SCFD2: variants seen among roughly 807,000 people sequenced by gnomAD.
SCFD2 encodes the protein sec1 family domain-containing protein 2.
In SCFD2, 54 loss-of-function variants were observed where a neutral mutation model predicts 58.9. The ratio of observed to expected loss-of-function variants is 0.92; its 90% CI spans 0.74 to 1.15. The LOEUF (loss-of-function observed/expected upper bound fraction) is 1.15. SCFD2 is among the 50% of genes most tolerant of loss of function. The pLI, the probability that SCFD2 is intolerant of heterozygous loss-of-function variation, is 0.00. For synonymous variants in SCFD2, 321 were observed against 335.9 expected (o/e 0.96, Z 0.49); for missense variants, 805 against 836.6 (o/e 0.96, Z 0.47).
rs1445920350 is a variant in SCFD2, at chr4:53,189,290, C to G, written c.1312-43708G>C. On this transcript the variant is annotated intron_variant, in intron 4 of 8. Transcript: ENST00000401642. ...ATTCCTGATAAACTATTTTTAAAAG[C>G]TGGATCCAAACATGCCTGAAGCTAT... Among the ~76,000 whole-genome samples, 6 of 152,116 alleles carry G rather than the reference C, an allele frequency of 3.9e-5. No individual in the cohort carries two copies. The East Asian group carries it at 1.2e-3, about 29-fold the overall frequency.
At chr4:53,061,449 A>T (rs753195600) in intron 5 of SCFD2, among the ~76,000 whole-genome samples, 3 of 152,164 alleles carry the variant, frequency 2.0e-5, no homozygotes, top group African/African-American at 4.8e-5. Flanking sequence ...GCTCTAAATC[A>T]TATGGACCAC....
intron 5 of SCFD2, among the ~76,000 whole-genome samples, chr4:53,112,043 CAG>C (rs951536855): frequency 6.6e-6 from 1 of 152,052 alleles, no homozygotes; most frequent in African/African-American, 2.4e-5. Flanking sequence ...GATAGACAAA[CAG>C]AGAGAAGTTT....
intron 8 of SCFD2, among the ~76,000 whole-genome samples, chr4:52,876,074 A>T (rs1278203253): frequency 4.6e-5 from 7 of 151,792 alleles, no homozygotes; most frequent in Admixed American, 3.9e-4. Context: ...CTAGTAGGTA[A>T]TTGAGCCTGG....
intron 4 of SCFD2, among the ~76,000 whole-genome samples, chr4:53,198,675 G>A (rs200175373): frequency 2.0e-5 from 3 of 151,882 alleles, no homozygotes; most frequent in Non-Finnish European, 4.4e-5. Context: ...GTGAATGTGT[G>A]TGTGTGTGCA....
chr4:52,898,941 A>G (rs960781789), intron 7 of SCFD2, among the ~76,000 whole-genome samples: 1 of 152,136 alleles, frequency 6.6e-6, no homozygotes, highest in Non-Finnish European at 1.5e-5. Flanking sequence ...GTTGCTTTAG[A>G]GTCTGTTTTA....
intron 8 of SCFD2, among the ~76,000 whole-genome samples, 162 bp from the exon 9 acceptor site, chr4:52,874,223 G>A (rs115243434): frequency 5.6e-4 from 85 of 152,280 alleles, no homozygotes; most frequent in African/African-American, 2.0e-3. Context: ...GGCACCTGGC[G>A]CTAGTGCCCT....
intron 5 of SCFD2, among the ~76,000 whole-genome samples, chr4:53,118,625 G>C (rs77739013): frequency 0.011 from 1,733 of 152,222 alleles, 17 homozygotes; most frequent in Middle Eastern, 0.034. Context: ...CTTACTAAGG[G>C]TGGGCTGAGC....
At chr4:53,300,938 A>C (rs1429207340) in intron 3 of SCFD2, among the ~76,000 whole-genome samples, 1 of 152,236 alleles carries the variant, frequency 6.6e-6, no homozygotes, top group Non-Finnish European at 1.5e-5. Context: ...TCTCTGGGAC[A>C]CATTCGAAGC....
intron 5 of SCFD2, among the ~76,000 whole-genome samples, chr4:53,075,352 A>G (rs1723942011): frequency 6.6e-6 from 1 of 152,204 alleles, no homozygotes; most frequent in African/African-American, 2.4e-5. Flanking sequence ...AACTTTCTCC[A>G]TATTAGCAAT....
chr4:53,324,545 T>G (rs1346479903), intron 2 of SCFD2, among the ~76,000 whole-genome samples: 1 of 151,360 alleles, frequency 6.6e-6, no homozygotes, highest in African/African-American at 2.4e-5. Context: ...CAGGGCCACA[T>G]GGGGAAGCAC....
intron 7 of SCFD2, among the ~76,000 whole-genome samples, chr4:52,894,152 A>C (rs1261915439): frequency 1.3e-5 from 2 of 152,188 alleles, no homozygotes; most frequent in African/African-American, 4.8e-5. Context: ...AGAGGTAAGC[A>C]CTGGGCTTTC....
chr4:52,929,812 C>T (rs1719948804), intron 5 of SCFD2, among the ~76,000 whole-genome samples: 1 of 152,106 alleles, frequency 6.6e-6, no homozygotes, highest in Non-Finnish European at 1.5e-5. Context: ...AAGGGATGCG[C>T]TGGACCTCTT....
chr4:53,009,128 T>C (rs1722042182), intron 5 of SCFD2, among the ~76,000 whole-genome samples: 1 of 152,186 alleles, frequency 6.6e-6, no homozygotes, highest in South Asian at 2.1e-4. Flanking sequence ...TTGCAAACTA[T>C]TAGTCCTCTC....
intron 3 of SCFD2, among the ~76,000 whole-genome samples, chr4:53,303,160 AG>A (rs1241759184): frequency 3.3e-5 from 5 of 152,224 alleles, no homozygotes; most frequent in African/African-American, 1.2e-4. Context: ...CAGAGTGAAC[AG>A]GCAACCTACA....
chr4:53,091,910 T>G (rs1724480866), intron 5 of SCFD2, among the ~76,000 whole-genome samples: 1 of 152,174 alleles, frequency 6.6e-6, no homozygotes, highest in South Asian at 2.1e-4. Flanking sequence ...GATATTATGC[T>G]GGAATATCAA....
chr4:53,188,628 T>G (rs1358269151), intron 4 of SCFD2, among the ~76,000 whole-genome samples: 6 of 152,200 alleles, frequency 3.9e-5, no homozygotes, highest in Non-Finnish European at 7.3e-5. Context: ...TTAACGACTG[T>G]TACCAAAGAT....
chr4:53,242,020 G>C (rs1170611226), intron 4 of SCFD2, among the ~76,000 whole-genome samples: 1 of 152,182 alleles, frequency 6.6e-6, no homozygotes, highest in Admixed American at 6.5e-5. Flanking sequence ...TGCTGGACAG[G>C]GGCTCCCAGC....
intron 5 of SCFD2, among the ~76,000 whole-genome samples, chr4:53,128,049 TAAAA>T (rs34739040): frequency 0.043 from 4,763 of 111,378 alleles, 142 homozygotes; most frequent in African/African-American, 0.1. Flanking sequence ...GGCCATGTCC[TAAAA>T]AAAAAAAAAA....
At position 53,136,570 on chromosome 4, in the gene SCFD2, T is replaced by C. The variant is rs1425047924; in HGVS notation, c.1561+8763A>G. 3.3e-5 allele frequency among the ~76,000 whole-genome samples: 5 copies of C among 152,360 alleles called. No individual in the cohort carries two copies. The East Asian group carries it at 9.6e-4, about 29-fold the overall frequency. ...TTCCAGATTTAGACACAATACCATA[T>C]TGTCTGTCCCAAACCATGTTTGAAA... On this transcript the variant is annotated intron_variant, in intron 5 of 8. Coordinates refer to ENST00000401642, the MANE Select transcript of SCFD2 (RefSeq NM_152540.4).
Sources: allele counts gnomAD v4.1 joint callset (sites outside exome capture counted in the v4.1 genomes callset), GRCh38; gene constraint gnomAD v4.1.1; transcripts MANE v1.5; gene names NCBI Gene and HGNC (gene_info 2026-07-23, HGNC 2026-07-21).